The following JAZF1 variants were observed in gnomAD, a reference collection of about 807,000 sequenced individuals.
The protein encoded by JAZF1 is juxtaposed with another zinc finger protein 1.
JAZF1 carries 8 observed loss-of-function variants against 26.4 expected under a neutral mutation model. The ratio of observed to expected loss-of-function variants is 0.30; its 90% CI spans 0.18 to 0.55. JAZF1 has a LOEUF of 0.55. JAZF1 is among the 20% of genes least tolerant of loss of function. JAZF1 has a pLI of 0.94. For synonymous variants in JAZF1, 126 were observed against 122.3 expected (o/e 1.03, Z -0.20); for missense variants, 199 against 322.0 (o/e 0.62, Z 2.92).
chr7:27,846,652 TG>T (rs1473158058), intron 3 of JAZF1: 1 of 415,392 alleles, frequency 2.4e-6, no homozygotes, highest in Non-Finnish European at 5.0e-6. Flanking sequence ...TCTGAATGGG[TG>T]TGCTCTTTTA....
chr7:28,115,218 T>C (rs1410047624), intron 1 of JAZF1, among the ~76,000 whole-genome samples: 1 of 152,228 alleles, frequency 6.6e-6, no homozygotes, highest in Admixed American at 6.5e-5. Flanking sequence ...TAATTTTAAA[T>C]TTCCTAGCAG....
intron 1 of JAZF1, among the ~76,000 whole-genome samples, chr7:28,106,911 T>C (rs144917276): frequency 6.6e-6 from 1 of 152,376 alleles, no homozygotes; most frequent in African/African-American, 2.4e-5. Context: ...TCTAGTGGGC[T>C]AGCACAAGGC....
At chr7:28,039,783 C>T (rs1213749669) in intron 1 of JAZF1, among the ~76,000 whole-genome samples, 3 of 152,116 alleles carry the variant, frequency 2.0e-5, no homozygotes, top group African/African-American at 7.2e-5. Flanking sequence ...TCCTTCCCCC[C>T]GCCCCAAGGA....
chr7:27,907,667 CCA>C (rs1784286368), intron 2 of JAZF1, among the ~76,000 whole-genome samples: 1 of 152,082 alleles, frequency 6.6e-6, no homozygotes, highest in Non-Finnish European at 1.5e-5. Flanking sequence ...CTGGAGGTGT[CCA>C]GTTAATTAAA....
At chr7:27,874,642 G>C (rs1783642685) in intron 3 of JAZF1, among the ~76,000 whole-genome samples, 1 of 152,166 alleles carries the variant, frequency 6.6e-6, no homozygotes, top group South Asian at 2.1e-4. Context: ...TCCTCCCATA[G>C]AACACATCTA....
At chr7:27,884,796 G>A (rs147774673) in intron 3 of JAZF1, among the ~76,000 whole-genome samples, 58 of 152,288 alleles carry the variant, frequency 3.8e-4, no homozygotes, top group African/African-American at 1.2e-3. Flanking sequence ...GAATAAAGGT[G>A]CTATATACAT....
chr7:28,009,631 A>G (rs899780579), intron 1 of JAZF1, among the ~76,000 whole-genome samples: 1 of 151,960 alleles, frequency 6.6e-6, no homozygotes, highest in Non-Finnish European at 1.5e-5. Flanking sequence ...CTACAGGCGC[A>G]TGTCACCACG....
intron 1 of JAZF1, among the ~76,000 whole-genome samples, chr7:28,163,282 G>GCT (rs1443596413): frequency 2.0e-5 from 3 of 152,164 alleles, no homozygotes; most frequent in African/African-American, 7.2e-5. Flanking sequence ...ATCAGAGACA[G>GCT]CTCTCTCAGC....
At chr7:27,944,486 G>A (rs1784898386) in intron 2 of JAZF1, among the ~76,000 whole-genome samples, 1 of 152,190 alleles carries the variant, frequency 6.6e-6, no homozygotes, top group Non-Finnish European at 1.5e-5. Context: ...TTTAGTGGTA[G>A]ATTATTTGTT....
intron 1 of JAZF1, 78 bp downstream of exon 1, chr7:28,180,385 C>T: frequency 8.4e-7 from 1 of 1,189,466 alleles, no homozygotes; most frequent in Non-Finnish European, 1.2e-6. Flanking sequence ...GCCGGCCACC[C>T]CTGGCCATTC....
At chr7:28,158,397 A>G (rs1783227135) in intron 1 of JAZF1, among the ~76,000 whole-genome samples, 1 of 152,196 alleles carries the variant, frequency 6.6e-6, no homozygotes, top group African/African-American at 2.4e-5. Context: ...CCTAGAAATC[A>G]GGAGTGCTAA....
chr7:28,159,811 T>C (rs1174654421), intron 1 of JAZF1, among the ~76,000 whole-genome samples: 2 of 152,140 alleles, frequency 1.3e-5, no homozygotes, highest in Non-Finnish European at 2.9e-5. Flanking sequence ...GTAGACTGCA[T>C]AAAAACGGGG....
chr7:28,050,527 A>G (rs1000958985), intron 1 of JAZF1, among the ~76,000 whole-genome samples: 4 of 152,192 alleles, frequency 2.6e-5, no homozygotes, highest in Non-Finnish European at 1.5e-5. Context: ...AAAGAATAGT[A>G]TTTTTAAACG....
chr7:27,997,890 A>G (rs1786049300), intron 1 of JAZF1, among the ~76,000 whole-genome samples: 1 of 152,092 alleles, frequency 6.6e-6, no homozygotes, highest in Non-Finnish European at 1.5e-5. Flanking sequence ...AGCTTTAAAT[A>G]TGAACCAAGA....
At chr7:28,135,873 T>C (rs990477748) in intron 1 of JAZF1, among the ~76,000 whole-genome samples, 1 of 152,200 alleles carries the variant, frequency 6.6e-6, no homozygotes, top group African/African-American at 2.4e-5. Context: ...ATGGAGATTA[T>C]CAACCAATTC....
intron 3 of JAZF1, among the ~76,000 whole-genome samples, chr7:27,863,344 C>T (rs765902498): frequency 6.6e-6 from 1 of 152,150 alleles, no homozygotes; most frequent in Non-Finnish European, 1.5e-5. Context: ...AGCCTGTCCC[C>T]GCCACAGGGC....
At chr7:28,004,214 G>C (rs1782660834) in intron 1 of JAZF1, among the ~76,000 whole-genome samples, 1 of 152,186 alleles carries the variant, frequency 6.6e-6, no homozygotes, top group African/African-American at 2.4e-5. Context: ...GGGGGTACCT[G>C]ATGAGCCAGT....
At chr7:28,156,849 G>T (rs570889884) in intron 1 of JAZF1, among the ~76,000 whole-genome samples, 2 of 152,228 alleles carry the variant, frequency 1.3e-5, no homozygotes, top group East Asian at 3.9e-4. Context: ...AAGCAAGGGG[G>T]GAAATCATTC....
chr7:27,945,028 T>G (rs1274153363), intron 2 of JAZF1, among the ~76,000 whole-genome samples: 1 of 152,096 alleles, frequency 6.6e-6, no homozygotes, highest in Non-Finnish European at 1.5e-5. Flanking sequence ...ATTATCATCT[T>G]AAAACTATCA....
Sources: gnomAD v4.1 joint callset for allele counts (sites outside exome capture counted in the v4.1 genomes callset) on GRCh38, gnomAD v4.1.1 for gene constraint, MANE v1.5 for transcripts, NCBI Gene and HGNC (gene_info 2026-07-23, HGNC 2026-07-21) for gene names.